IQGAP2: variants seen among roughly 807,000 people sequenced by gnomAD.
IQGAP2 encodes the protein IQ motif containing GTPase activating protein 2.
IQGAP2 carries 173 observed loss-of-function variants against 201.3 expected under a neutral mutation model. The observed-to-expected ratio is 0.86, with a 90% CI of 0.76 to 0.98. The LOEUF is 0.98. IQGAP2 is among the 50% of genes least tolerant of loss of function. IQGAP2 has a pLI of 0.00. For missense variants in IQGAP2, 1,687 were observed against 1,864.8 expected (o/e 0.90, Z 1.76); for synonymous variants, 675 against 673.9 (o/e 1.00, Z -0.03).
At chr5:76,435,749 C>A (rs1457743809) in intron 1 of IQGAP2, among the ~76,000 whole-genome samples, 6 of 152,062 alleles carry the variant, frequency 3.9e-5, no homozygotes, top group Admixed American at 3.9e-4. Flanking sequence ...AAAAGAATTG[C>A]ATTGAATTTG....
intron 1 of IQGAP2, among the ~76,000 whole-genome samples, chr5:76,456,822 TGTAATCCCA>T (rs1333065589): frequency 2.6e-5 from 4 of 152,168 alleles, no homozygotes; most frequent in Non-Finnish European, 5.9e-5. Context: ...GGCTCACTCC[TGTAATCCCA>T]GCACTTTGGG....
At chr5:76,511,223 T>C (rs1757940421) in intron 2 of IQGAP2, among the ~76,000 whole-genome samples, 1 of 152,112 alleles carries the variant, frequency 6.6e-6, no homozygotes, top group Non-Finnish European at 1.5e-5. Flanking sequence ...GGGTGGCTAA[T>C]GGTATTGGTT....
At chr5:76,680,528 T>G (rs1016174854) in intron 28 of IQGAP2, among the ~76,000 whole-genome samples, 33 of 151,988 alleles carry the variant, frequency 2.2e-4, no homozygotes, top group African/African-American at 8.0e-4. Context: ...AAGAGTAATA[T>G]CAAGAAATTG....
In IQGAP2 at chr5:76,707,924, A is replaced by C. The variant is rs1748047549; in HGVS notation, c.*611A>C. 1 of 152,666 alleles carries C rather than the reference A, an allele frequency of 6.6e-6. No homozygotes were observed. Among genetic ancestry groups the C allele is most frequent in the Non-Finnish European group, 1.5e-5 (1 of 68,056 alleles). The allele number at this position is 152,666 out of a possible 1,614,324, so 9.5% of individuals were successfully genotyped here. On this transcript the variant is annotated 3_prime_UTR_variant, in exon 36 of 36. Coordinates refer to ENST00000274364, the MANE Select transcript of IQGAP2 (RefSeq NM_006633.5). Reference sequence around the variant, plus strand: ...ATGAAAGTGCACTACTGCCTCATGTAAAGACTCTTGCACGCAGAGCCTTTA... The same window carrying C: ...ATGAAAGTGCACTACTGCCTCATGTCAAGACTCTTGCACGCAGAGCCTTTA...
At chr5:76,418,441 T>C (rs1310367267) in intron 1 of IQGAP2, among the ~76,000 whole-genome samples, 1 of 152,018 alleles carries the variant, frequency 6.6e-6, no homozygotes, top group African/African-American at 2.4e-5. Flanking sequence ...CTCACGCTTA[T>C]AATCCCAGTA....
chr5:76,693,874 C>T, intron 31 of IQGAP2: 1 of 155,224 alleles, frequency 6.4e-6, no homozygotes, highest in Non-Finnish European at 1.4e-5. Flanking sequence ...AATGTTGAGT[C>T]CACTGAGTCA....
intron 2 of IQGAP2, among the ~76,000 whole-genome samples, chr5:76,485,634 G>A (rs1280033479): frequency 6.6e-6 from 1 of 152,152 alleles, no homozygotes; most frequent in East Asian, 1.9e-4. Flanking sequence ...GCCACACATG[G>A]GGAGTTGAAT....
At chr5:76,529,733 A>T (rs990831548) in intron 2 of IQGAP2, among the ~76,000 whole-genome samples, 1 of 151,350 alleles carries the variant, frequency 6.6e-6, no homozygotes, top group African/African-American at 2.4e-5. Context: ...AATTGGGGGA[A>T]ATTGGAAGAG....
chr5:76,416,052 G>A (rs1387632378), intron 1 of IQGAP2, among the ~76,000 whole-genome samples: 1 of 152,180 alleles, frequency 6.6e-6, no homozygotes, highest in Admixed American at 6.5e-5. Flanking sequence ...ACACGAAAGT[G>A]GAGTGTTCTC....
chr5:76,567,007 A>G (rs970755573), intron 3 of IQGAP2, among the ~76,000 whole-genome samples: 1 of 152,150 alleles, frequency 6.6e-6, no homozygotes, highest in African/African-American at 2.4e-5. Context: ...CAGTCTGACA[A>G]GGTTCAAAGA....
chr5:76,403,733 G>A lies in IQGAP2; in HGVS notation c.46+142G>A, dbSNP rs1355186009. The A allele has an allele frequency of 2.4e-5, 15 of 618,970 alleles. No individual in the cohort carries two copies. The highest frequency in any genetic ancestry group is 4.2e-5 in the Admixed American group (1 of 24,014). 38.3% of individuals were successfully genotyped at this position (618,970 alleles called of 1,614,324 possible). A position where few individuals can be genotyped will look rare whatever the true frequency, so the allele number is the denominator to read the frequency against. On this transcript the variant is annotated intron_variant, in intron 1 of 35. Coordinates refer to ENST00000274364, the MANE Select transcript of IQGAP2 (RefSeq NM_006633.5). The surrounding 1 kb of genome is among the most constrained non-coding windows in gnomAD (Gnocchi z 4.8). ...AACTGCGCGGCTGGCAAAGTTGGGAGCTGGAGTTGCAAAGGGCAGTGAATC... is the reference window on the plus strand; with the variant it reads ...AACTGCGCGGCTGGCAAAGTTGGGAACTGGAGTTGCAAAGGGCAGTGAATC...
chr5:76,508,530 A>C (rs1290331356), intron 2 of IQGAP2, among the ~76,000 whole-genome samples: 1 of 152,048 alleles, frequency 6.6e-6, no homozygotes, highest in African/African-American at 2.4e-5. Flanking sequence ...CTGAAAACCA[A>C]AGATCAAGTA....
At chr5:76,678,663 A>T (rs1417250563) in intron 28 of IQGAP2, among the ~76,000 whole-genome samples, 1 of 152,212 alleles carries the variant, frequency 6.6e-6, no homozygotes, top group East Asian at 1.9e-4. Flanking sequence ...CAAGTTCTAG[A>T]TGCTTCAGTT....
intron 1 of IQGAP2, among the ~76,000 whole-genome samples, chr5:76,421,443 ATCC>A (rs764352695): frequency 1.3e-5 from 2 of 151,954 alleles, no homozygotes; most frequent in Non-Finnish European, 1.5e-5. Context: ...GCAAAACCCT[ATCC>A]TCTGCAAAAA....
rs377698465 is a variant in IQGAP2 at position 76,654,964 on chromosome 5, T to C, written c.2281T>C (p.Leu761=). The change falls in exon 20 of 36, where the codon TTG becomes CTG. Residue 761 remains leucine (L), a synonymous_variant. Coordinates refer to ENST00000274364, the MANE Select transcript of IQGAP2 (RefSeq NM_006633.5). ...NNEIVKIQSL[L]RANKARDDYK... ...TGAAATTGTGAAAATACAGTCACTG[T>C]TGAGAGCGAACAAAGCTAGAGATGA... The C allele has an allele frequency of 8.7e-6, 14 of 1,612,924 alleles. No homozygotes were observed. Among genetic ancestry groups the C allele is most frequent in the African/African-American group, 1.3e-5 (1 of 74,914 alleles).
chr5:76,440,542 G>T (rs554596193), intron 1 of IQGAP2, among the ~76,000 whole-genome samples: 2 of 152,170 alleles, frequency 1.3e-5, no homozygotes, highest in African/African-American at 2.4e-5. Flanking sequence ...ATTTATTTCT[G>T]TGTGTGATCT....
intron 1 of IQGAP2, among the ~76,000 whole-genome samples, chr5:76,448,238 T>C (rs1753524577): frequency 6.6e-6 from 1 of 152,180 alleles, no homozygotes; most frequent in Non-Finnish European, 1.5e-5. Flanking sequence ...GTGGGTTAAA[T>C]GCTGTGCAAT....
chr5:76,528,999 A>C (rs1759129741), intron 2 of IQGAP2, among the ~76,000 whole-genome samples: 1 of 152,222 alleles, frequency 6.6e-6, no homozygotes, highest in Admixed American at 6.5e-5. Flanking sequence ...GTTTTACCCA[A>C]GTTGTAACTG....
intron 30 of IQGAP2, among the ~76,000 whole-genome samples, chr5:76,688,941 TCCTC>T (rs1746020194): frequency 6.6e-6 from 1 of 152,022 alleles, no homozygotes; most frequent in Non-Finnish European, 1.5e-5. Context: ...TGATTTGAAA[TCCTC>T]CAGGGCCCAC....
Sources: allele counts gnomAD v4.1 joint callset (sites outside exome capture counted in the v4.1 genomes callset), GRCh38; gene constraint gnomAD v4.1.1; non-coding constraint Gnocchi (gnomAD v3.1); transcripts MANE v1.5; gene names NCBI Gene and HGNC (gene_info 2026-07-23, HGNC 2026-07-21).